ENDOV: variants seen among roughly 807,000 people sequenced by gnomAD.
ENDOV encodes endonuclease V, also known as hEndoV.
In ENDOV, 37 loss-of-function variants were observed where a neutral mutation model predicts 39.4. That is an observed-to-expected ratio of 0.94 (90% CI 0.72 to 1.23). ENDOV has a LOEUF of 1.23. ENDOV is among the 50% of genes most tolerant of loss of function. The pLI, the probability that ENDOV is intolerant of heterozygous loss-of-function variation, is 0.00. For missense variants in ENDOV, 441 were observed against 375.7 expected (o/e 1.17, Z -1.44); for synonymous variants, 186 against 163.4 (o/e 1.14, Z -1.05).
chr17:80,430,293 C>T (rs2083250520), intron 9 of ENDOV: 1 of 1,505,006 alleles, frequency 6.6e-7, no homozygotes, highest in African/African-American at 1.4e-5. Context: ...CCCCTGCAGC[C>T]TGTGCTTTGC....
In ENDOV at chr17:80,428,608, T is replaced by C; in HGVS notation, c.727T>C (p.Ser243Pro). 6.3e-7 allele frequency: 1 copy of C among 1,584,144 alleles called. No individual in the cohort carries two copies. Among genetic ancestry groups the C allele is most frequent in the Non-Finnish European group, 8.6e-7 (1 of 1,165,912 alleles). ...PEPVRQADIC[S>P]REHIRKSLGL... ...CTGTCTCCCCCAGGCTGACATCTGC[T>C]CCCGAGAGCACATCCGCAAGTCGCT... Residue 243 changes from serine (S) to proline (P), a missense_variant, in exon 8 of 10, where the codon TCC becomes CCC. Coordinates refer to ENST00000518137, the MANE Select transcript of ENDOV (RefSeq NM_173627.5).
intron 4 of ENDOV, 136 bp downstream of exon 4, chr17:80,422,381 C>T (rs905878016): frequency 2.2e-5 from 23 of 1,069,264 alleles, no homozygotes; most frequent in African/African-American, 7.8e-5. Context: ...TCTTTCTCGG[C>T]GCAACGGGGA....
intron 9 of ENDOV, among the ~76,000 whole-genome samples, chr17:80,435,895 C>T (rs1431024029): frequency 2.6e-5 from 4 of 151,920 alleles, no homozygotes; most frequent in East Asian, 1.9e-4. Context: ...GGATTACAGG[C>T]GTGAGCCATT....
chr17:80,433,754 C>T (rs909476766), intron 9 of ENDOV, among the ~76,000 whole-genome samples: 10 of 152,182 alleles, frequency 6.6e-5, no homozygotes, highest in Admixed American at 3.9e-4. Context: ...TGCTTAAAAC[C>T]GTTGGTTCCT....
rs2082510352 is a variant in ENDOV at position 80,424,995 on chromosome 17, AG to A, written c.517-33del. On this transcript the variant is annotated intron_variant, in intron 5 of 9. Coordinates refer to ENST00000518137, the MANE Select transcript of ENDOV (RefSeq NM_173627.5). ...GCCTTCAGCCCTTCACCAAGAAGAG[AG>A]GGGTTTTTTTCCCCATTTTTCCCTC... is the stretch of plus-strand genomic sequence containing the variant. 4 of 1,566,960 alleles carry A rather than the reference AG, an allele frequency of 2.6e-6. No homozygotes were observed. The East Asian group carries it at 9.0e-5, about 35-fold the overall frequency.
Position 80,425,408 on chromosome 17 carries a change from G to C in ENDOV, c.586-84G>C, listed in dbSNP as rs41299838. Reference sequence around the variant, plus strand: ...TTCCCCCTTGCCCCCAGGACATTTTGTCAGAGCTCCAGCTGCTGAGGCTGT... The same window carrying C: ...TTCCCCCTTGCCCCCAGGACATTTTCTCAGAGCTCCAGCTGCTGAGGCTGT... On this transcript the variant is annotated intron_variant, in intron 6 of 9. Transcript: ENST00000518137. 37 of 1,508,394 alleles carry C rather than the reference G, an allele frequency of 2.5e-5. No homozygotes were observed. In the African/African-American group the frequency reaches 4.7e-4, roughly 19 times the overall value. 93.4% of individuals were successfully genotyped at this position (1,508,394 alleles called of 1,614,324 possible).
chr17:80,428,823 G>A (rs917867078), intron 8 of ENDOV, among the ~76,000 whole-genome samples, 163 bp downstream of exon 8: 2 of 152,210 alleles, frequency 1.3e-5, no homozygotes, highest in African/African-American at 4.8e-5. Context: ...CAAAGAGGGA[G>A]GAGAGTGGAG....
intron 8 of ENDOV, among the ~76,000 whole-genome samples, 164 bp downstream of exon 8, chr17:80,428,824 G>A (rs1219895946): frequency 6.6e-6 from 1 of 152,190 alleles, no homozygotes; most frequent in Non-Finnish European, 1.5e-5. Context: ...AAAGAGGGAG[G>A]AGAGTGGAGT....
rs2083622921 is a variant in ENDOV, at chr17:80,437,260, C to T, written c.*1117C>T. On this transcript the variant is annotated 3_prime_UTR_variant, in exon 10 of 10. Transcript: ENST00000518137. ...GCCCAAGAGTCAGAGAGTCGGAGCTCCAACCACATCTGCCTGCATGCCTTT... is the reference window on the plus strand; with the variant it reads ...GCCCAAGAGTCAGAGAGTCGGAGCTTCAACCACATCTGCCTGCATGCCTTT... 1 of 152,688 alleles carries T rather than the reference C, an allele frequency of 6.5e-6. No individual in the cohort carries two copies. The highest frequency in any genetic ancestry group is 1.5e-5 in the Non-Finnish European group (1 of 68,118). 9.5% of individuals were successfully genotyped at this position (152,688 alleles called of 1,614,324 possible).
intron 7 of ENDOV, among the ~76,000 whole-genome samples, chr17:80,426,219 CA>C (rs1457502009): frequency 2.0e-5 from 3 of 152,212 alleles, no homozygotes; most frequent in Non-Finnish European, 4.4e-5. Context: ...TCGATAGGAC[CA>C]GGGGACCACA....
chr17:80,422,788 C>T (rs1174645984), intron 4 of ENDOV, among the ~76,000 whole-genome samples: 2 of 152,188 alleles, frequency 1.3e-5, no homozygotes, highest in Non-Finnish European at 2.9e-5. Context: ...CAACCTCCGC[C>T]TCCCGGGTTC....
rs924043822 is a variant in ENDOV at position 80,436,290 on chromosome 17, C to G, written c.*147C>G. 6.4e-7 allele frequency: 1 copy of G among 1,559,036 alleles called. No individual in the cohort carries two copies. Among genetic ancestry groups the G allele is most frequent in the Admixed American group, 1.8e-5 (1 of 56,984 alleles). ...CTGATCGAACGCGGTGGTGAGAGCA[C>G]ACGTCCTCGTCTCGTTCCTGATCGA... On this transcript the variant is annotated 3_prime_UTR_variant, in exon 10 of 10. Coordinates refer to ENST00000518137, the MANE Select transcript of ENDOV (RefSeq NM_173627.5).
At chr17:80,423,153 G>C (rs1158692635) in intron 4 of ENDOV, among the ~76,000 whole-genome samples, 1 of 152,210 alleles carries the variant, frequency 6.6e-6, no homozygotes, top group Non-Finnish European at 1.5e-5. Context: ...GAGCCAAAGG[G>C]TTGTCATGTG....
chr17:80,425,589 G>C lies in ENDOV; in HGVS notation c.683G>C (p.Cys228Ser), dbSNP rs745648767. The C allele has an allele frequency of 7.5e-6, 12 of 1,589,600 alleles. No homozygotes were observed. In the South Asian group the frequency reaches 1.3e-4, roughly 17 times the overall value. ...GCTGTGCGCCTGACTTGCTGCTGCT[G>C]CAGGTTCCGGATCCCAGAGCCCGTG... Reference protein sequence around the residue: ...EAAVRLTCCCCRFRIPEPVRQ... With the variant: ...EAAVRLTCCCSRFRIPEPVRQ... The change falls in exon 7 of 10, where the codon TGC becomes TCC. Residue 228 changes from cysteine to serine, a missense_variant. Physicochemically the swap from Cys to Ser is moderately radical, Grantham distance 112 (BLOSUM62 -1). Coordinates refer to ENST00000518137, the MANE Select transcript of ENDOV (RefSeq NM_173627.5).
At chr17:80,419,590 GC>G in intron 2 of ENDOV, 1 of 702,944 alleles carries the variant, frequency 1.4e-6, no homozygotes, top group Non-Finnish European at 2.6e-6. Context: ...GATCAGTTCT[GC>G]CTTCAGGTAG....
chr17:80,431,017 AG>A (rs1212567228), intron 9 of ENDOV, among the ~76,000 whole-genome samples: 2 of 152,158 alleles, frequency 1.3e-5, no homozygotes, highest in East Asian at 3.9e-4. Flanking sequence ...GCTGGCCTCC[AG>A]ATCCCAGGCC....
chr17:80,431,422 AAGT>A (rs1044653213), intron 9 of ENDOV, among the ~76,000 whole-genome samples: 6 of 152,140 alleles, frequency 3.9e-5, no homozygotes, highest in African/African-American at 1.4e-4. Flanking sequence ...TTTCTATAAG[AAGT>A]AGACTCACTC....
At chr17:80,422,968 G>A (rs749369319) in intron 4 of ENDOV, among the ~76,000 whole-genome samples, 91 of 152,010 alleles carry the variant, frequency 6.0e-4, no homozygotes, top group Admixed American at 1.1e-3. Flanking sequence ...CAAAGTGCTG[G>A]GATTTCAGGC....
chr17:80,436,613 A>C lies in ENDOV; in HGVS notation c.*470A>C. The C allele has an allele frequency of 3.8e-6, 1 of 263,228 alleles. No individual in the cohort carries two copies. The highest frequency in any genetic ancestry group is 7.4e-6 in the Non-Finnish European group (1 of 135,394). The allele number at this position is 263,228 out of a possible 1,614,324, so 16.3% of individuals were successfully genotyped here. A position where few individuals can be genotyped will look rare whatever the true frequency, so the allele number is the denominator to read the frequency against. On this transcript the variant is annotated 3_prime_UTR_variant, in exon 10 of 10. Transcript: ENST00000518137. The stretch of plus-strand genomic sequence containing the variant: ...AGTTTCCATTTGTGGAATACATCTA[A>C]CTCGGTCATGGTGTATAATCCATTT...
Sources: gnomAD v4.1 joint callset for allele counts (sites outside exome capture counted in the v4.1 genomes callset) on GRCh38, gnomAD v4.1.1 for gene constraint, MANE v1.5 for transcripts, NCBI Gene and HGNC (gene_info 2026-07-23, HGNC 2026-07-21) for gene names.